The following CTSH variants were observed in gnomAD, a reference collection of about 807,000 sequenced individuals.
CTSH encodes the protein cathepsin H, also known as pro-cathepsin H.
A neutral mutation model predicts 56.3 loss-of-function variants in CTSH; 52 were observed. The observed-to-expected ratio is 0.92, with a 90% CI of 0.74 to 1.16. CTSH has a LOEUF of 1.16. Ranked by LOEUF, CTSH falls within the 50% of genes most tolerant of loss-of-function variation. The pLI is 0.00. For missense variants in CTSH, 406 were observed against 424.5 expected, an observed-to-expected ratio of 0.96 and a Z score of 0.38; for synonymous variants, 174 against 155.7, an observed-to-expected ratio of 1.12 and a Z score of -0.88.
chr15:78,934,511 C>T (rs1473691488), intron 5 of CTSH, among the ~76,000 whole-genome samples: 1 of 152,226 alleles, frequency 6.6e-6, no homozygotes, highest in Non-Finnish European at 1.5e-5. Flanking sequence ...ACAGCAAGGG[C>T]CACGGAGGCC....
intron 1 of CTSH, among the ~76,000 whole-genome samples, chr15:78,939,762 C>CT: frequency 6.6e-6 from 1 of 152,294 alleles, no homozygotes; most frequent in South Asian, 2.1e-4. Flanking sequence ...TGGTGTGTGC[C>CT]TGTAATCCCA....
chr15:78,939,304 T>C (rs964085292), intron 1 of CTSH, 133 bp from the exon 2 acceptor site: 8 of 646,756 alleles, frequency 1.2e-5, no homozygotes, highest in African/African-American at 7.6e-5. Context: ...AATGGTGTTA[T>C]ATAATGCAGA....
rs138844057 is a variant in CTSH at position 78,925,362 on chromosome 15, T to C, written c.778A>G (p.Met260Val). ...SFAFEVTQDF[M>V]MYRTGIYSST... ...GAGTAGATGCCGGTTCTATACATCA[T>C]GAAGTCCTGAGTCACCTCAAAGGCA... Residue 260 changes from methionine to valine, a missense_variant, in exon 10 of 12, where the codon ATG (methionine) becomes GTG (valine). Coordinates refer to ENST00000220166, the MANE Select transcript of CTSH (RefSeq NM_004390.5). 1.1e-5 allele frequency: 18 copies of C among 1,613,316 alleles called. No individual in the cohort carries two copies. The African/African-American group carries it at 2.3e-4, about 20-fold the overall frequency.
intron 3 of CTSH, 140 bp downstream of exon 3, chr15:78,937,178 G>T (rs1188291022): frequency 5.4e-5 from 36 of 665,320 alleles, no homozygotes; most frequent in Non-Finnish European, 9.0e-5. Flanking sequence ...TAACAGCGGA[G>T]CCACAATCTG....
chr15:78,925,485 C>T, intron 9 of CTSH, 45 bp from the exon 10 acceptor site: 2 of 1,312,250 alleles, frequency 1.5e-6, no homozygotes, highest in Non-Finnish European at 2.2e-6. Flanking sequence ...CTGTCACCTC[C>T]CCACTCCTTT....
chr15:78,924,236 G>C (rs1230473490), intron 10 of CTSH, among the ~76,000 whole-genome samples: 2 of 152,156 alleles, frequency 1.3e-5, no homozygotes, highest in Non-Finnish European at 2.9e-5. Flanking sequence ...TTTGATGGCA[G>C]ATGAGTGTGG....
intron 5 of CTSH, chr15:78,933,514 C>A: frequency 2.2e-6 from 1 of 455,096 alleles, no homozygotes; most frequent in South Asian, 1.6e-5. Flanking sequence ...CCTAGGTTGA[C>A]ACTGGCCTCA....
At chr15:78,936,880 C>T (rs980981731) in intron 3 of CTSH, among the ~76,000 whole-genome samples, 1 of 152,192 alleles carries the variant, frequency 6.6e-6, no homozygotes, top group East Asian at 1.9e-4. Context: ...CCACCCATCT[C>T]GGCCTCCCAA....
At chr15:78,943,977 T>C (rs1294711874) in intron 1 of CTSH, among the ~76,000 whole-genome samples, 1 of 152,062 alleles carries the variant, frequency 6.6e-6, no homozygotes, top group African/African-American at 2.4e-5. Flanking sequence ...GAGGCAACCC[T>C]CTGGCCCAGA....
At chr15:78,927,840 C>T (rs572521712) in intron 8 of CTSH, 59 bp from the exon 9 acceptor site, 1 of 1,392,012 alleles carries the variant, frequency 7.2e-7, no homozygotes, top group East Asian at 2.3e-5. Context: ...TCAGCCTCCC[C>T]ACGCAGTTCA....
At position 78,945,018 on chromosome 15, in the gene CTSH, C is replaced by G. The variant is rs960609789; in HGVS notation, c.-37G>C. On this transcript the variant is annotated 5_prime_UTR_variant, in exon 1 of 12. Transcript: ENST00000220166. ...CGGCTTGGCTCTTGCGCTCAGGGTC[C>G]GCGGAGGTGGCGGCCCAGAGCGTCA... The G allele has an allele frequency of 6.0e-6, 9 of 1,491,696 alleles. No individual in the cohort carries two copies. Among genetic ancestry groups the G allele is most frequent in the Admixed American group, 2.1e-5 (1 of 47,100 alleles). 92.4% of individuals were successfully genotyped at this position (1,491,696 alleles called of 1,614,324 possible).
intron 1 of CTSH, among the ~76,000 whole-genome samples, chr15:78,944,092 C>T (rs2055345722): frequency 6.6e-6 from 1 of 152,214 alleles, no homozygotes; most frequent in East Asian, 1.9e-4. Context: ...AGGTTCTTGG[C>T]TCCTTGGGTT....
intron 2 of CTSH, among the ~76,000 whole-genome samples, chr15:78,938,925 G>A (rs2055232196): frequency 6.6e-6 from 1 of 152,180 alleles, no homozygotes; most frequent in African/African-American, 2.4e-5. Context: ...GGCTTGGAAG[G>A]CTGTCAGCCA....
chr15:78,944,744 C>T, intron 1 of CTSH, 147 bp downstream of exon 1: 1 of 1,341,678 alleles, frequency 7.5e-7, no homozygotes, highest in South Asian at 1.8e-5. Context: ...TTTACCCCTC[C>T]CCGTGCCAGC....
At chr15:78,927,071 C>T (rs939115154) in intron 9 of CTSH, 2 of 152,742 alleles carry the variant, frequency 1.3e-5, no homozygotes, top group Admixed American at 6.5e-5. Context: ...GTCACGAAGG[C>T]GTTCATTCAC....
intron 1 of CTSH, among the ~76,000 whole-genome samples, chr15:78,939,664 G>A (rs1416007607): frequency 2.0e-5 from 3 of 152,204 alleles, no homozygotes; most frequent in African/African-American, 7.2e-5. Context: ...GAGGTGGGCC[G>A]ATTGCCTGAG....
chr15:78,925,430 TC>T lies in CTSH; in HGVS notation c.709del (p.Glu237LysfsTer13). The T allele has an allele frequency of 6.2e-7, 1 of 1,612,766 alleles. No individual in the cohort carries two copies. The highest frequency in any genetic ancestry group is 8.5e-7 in the Non-Finnish European group (1 of 1,178,822). ...GAGGGCCACAGCCTCCACCATCGCT[TC>T]CTCGTCATACTGTGGAAACAGGACC... ...DVANITIYDE[E>X]AMVEAVALYN... On this transcript the variant is annotated frameshift_variant, in exon 10 of 12. Coordinates refer to ENST00000220166, the MANE Select transcript of CTSH (RefSeq NM_004390.5). LOFTEE classifies it high-confidence loss of function.
At chr15:78,944,665 C>A (rs1290750327) in intron 1 of CTSH, 1 of 751,016 alleles carries the variant, frequency 1.3e-6, no homozygotes, top group Non-Finnish European at 1.9e-6. Context: ...GGACCCTGGA[C>A]ACTCAGCCCA....
At chr15:78,932,064 T>C (rs2055072900) in intron 6 of CTSH, 5 of 1,244,520 alleles carry the variant, frequency 4.0e-6, no homozygotes, top group Admixed American at 3.7e-5. Flanking sequence ...TAGCTCCTAG[T>C]TGGCTACCCA....
Sources: gnomAD v4.1 joint callset for allele counts (sites outside exome capture counted in the v4.1 genomes callset) on GRCh38, gnomAD v4.1.1 for gene constraint, MANE v1.5 for transcripts, NCBI Gene and HGNC (gene_info 2026-07-23, HGNC 2026-07-21) for gene names.